The following MCC variants were observed in gnomAD, a reference collection of about 807,000 sequenced individuals.
MCC encodes the protein colorectal mutant cancer protein.
A neutral mutation model predicts 116.2 loss-of-function variants in MCC; 90 were observed. The observed-to-expected ratio is 0.77, with a 90% CI of 0.65 to 0.92. The LOEUF (loss-of-function observed/expected upper bound fraction) is 0.92. Among genes scored for constraint, MCC ranks in the 40% least tolerant of loss-of-function variants. The pLI, the probability that MCC is intolerant of heterozygous loss-of-function variation, is 0.00. For synonymous variants in MCC, 578 were observed against 510.5 expected, an observed-to-expected ratio of 1.13 and a Z score of -1.78; for missense variants, 1,516 against 1,312.2, an observed-to-expected ratio of 1.16 and a Z score of -2.40.
intron 3 of MCC, among the ~76,000 whole-genome samples, chr5:113,174,787 C>T (rs1485895801): frequency 2.0e-5 from 3 of 151,990 alleles, no homozygotes. Context: ...GAGGGTCTCC[C>T]TATGTTGTCC....
chr5:113,035,792 C>A (rs993392072), intron 17 of MCC, among the ~76,000 whole-genome samples: 3 of 152,120 alleles, frequency 2.0e-5, no homozygotes, highest in Non-Finnish European at 4.4e-5. Context: ...TTATTCATTG[C>A]AAACTAAAGT....
At chr5:113,312,490 A>G (rs1005362733) in intron 3 of MCC, among the ~76,000 whole-genome samples, 1 of 152,128 alleles carries the variant, frequency 6.6e-6, no homozygotes, top group Non-Finnish European at 1.5e-5. Context: ...CAGAAACTTC[A>G]AATACAAAGG....
At chr5:113,152,613 A>G (rs1204400022) in intron 3 of MCC, among the ~76,000 whole-genome samples, 1 of 152,178 alleles carries the variant, frequency 6.6e-6, no homozygotes, top group East Asian at 1.9e-4. Flanking sequence ...GCTTAGAAAA[A>G]TGTGCTTTTC....
chr5:113,311,862 C>A (rs776963552), intron 3 of MCC, among the ~76,000 whole-genome samples: 79 of 151,518 alleles, frequency 5.2e-4, no homozygotes, highest in Non-Finnish European at 9.1e-4. Flanking sequence ...AATCCCAGCA[C>A]TTTGGGAGGC....
rs528347717 is a variant in MCC, at chr5:113,087,737, G to A, written c.1399-2427C>T. On this transcript the variant is annotated intron_variant, in intron 8 of 18. Transcript: ENST00000408903. ...TGAATTGCACTCAAGACAATCAGTG[G>A]TCTGTTCTTAGAATCCCTACTGGCC... 1.3e-4 allele frequency among the ~76,000 whole-genome samples: 20 copies of A among 150,544 alleles called. No homozygotes were observed. In the South Asian group the frequency reaches 4.0e-3, roughly 30 times the overall value.
chr5:113,154,617 G>C (rs568931089), intron 3 of MCC, among the ~76,000 whole-genome samples: 1 of 152,212 alleles, frequency 6.6e-6, no homozygotes, highest in Non-Finnish European at 1.5e-5. Flanking sequence ...GGTTTCACCA[G>C]TCTCTGGCTT....
intron 1 of MCC, among the ~76,000 whole-genome samples, chr5:113,409,900 A>C (rs6880552): frequency 6.6e-6 from 1 of 151,978 alleles, no homozygotes; most frequent in Admixed American, 6.6e-5. Context: ...TATTTTAATA[A>C]GGAAAATAGG....
At chr5:113,170,566 A>C (rs1425164833) in intron 3 of MCC, among the ~76,000 whole-genome samples, 1 of 152,004 alleles carries the variant, frequency 6.6e-6, no homozygotes, top group Non-Finnish European at 1.5e-5. Context: ...TCCTAGGGAT[A>C]CCGGGGTCTC....
At chr5:113,295,334 C>A (rs796195224) in intron 3 of MCC, among the ~76,000 whole-genome samples, 3 of 152,250 alleles carry the variant, frequency 2.0e-5, no homozygotes, top group African/African-American at 7.2e-5. Context: ...CAGTCATTTT[C>A]CCTAATCAGT....
intron 1 of MCC, among the ~76,000 whole-genome samples, chr5:113,416,671 G>A (rs1269214763): frequency 6.6e-6 from 1 of 152,106 alleles, no homozygotes; most frequent in Non-Finnish European, 1.5e-5. Flanking sequence ...CCCTTGGACA[G>A]TTAGATGAAG....
At chr5:113,307,963 CT>C (rs67501430) in intron 3 of MCC, among the ~76,000 whole-genome samples, 21,267 of 151,620 alleles carry the variant, frequency 0.14, 2,052 homozygotes, top group Non-Finnish European at 0.2. Flanking sequence ...CTCCATTTGC[CT>C]GTCTAAATCC....
chr5:113,294,344 C>A (rs764787842), intron 3 of MCC: 1 of 1,613,768 alleles, frequency 6.2e-7, no homozygotes, highest in African/African-American at 1.3e-5. Context: ...TCAGCTCGGC[C>A]GAGGAGTCGT....
At chr5:113,457,910 G>A (rs867963185) in intron 1 of MCC, among the ~76,000 whole-genome samples, 4 of 151,746 alleles carry the variant, frequency 2.6e-5, no homozygotes, top group African/African-American at 7.3e-5. Context: ...TGCACCAATC[G>A]ACACTCTGTA....
chr5:113,247,825 G>A (rs575391522), intron 3 of MCC, among the ~76,000 whole-genome samples: 3 of 152,256 alleles, frequency 2.0e-5, no homozygotes, highest in African/African-American at 7.2e-5. Context: ...CAGAGGGAGG[G>A]ATGATAGACG....
At chr5:113,407,933 A>C (rs536235123) in intron 1 of MCC, among the ~76,000 whole-genome samples, 1 of 152,324 alleles carries the variant, frequency 6.6e-6, no homozygotes. Context: ...CTTAGCCCAG[A>C]CACTGAGTTA....
chr5:113,451,341 A>T (rs1771386955), intron 1 of MCC, among the ~76,000 whole-genome samples: 1 of 152,246 alleles, frequency 6.6e-6, no homozygotes, highest in Admixed American at 6.5e-5. Flanking sequence ...TTTTAAATTA[A>T]ATCTACAGTT....
Position 113,026,375 on chromosome 5 carries a change from C to A in MCC, c.*927G>T. 1 of 152,266 alleles carries A rather than the reference C, an allele frequency of 6.6e-6. No individual in the cohort carries two copies. Among genetic ancestry groups the A allele is most frequent in the Non-Finnish European group, 1.5e-5 (1 of 68,026 alleles). The allele number at this position is 152,266 out of a possible 1,614,324, so 9.4% of individuals were successfully genotyped here. ...GACAGGTCCAGAGCTACAAATGCAC[C>A]CATGTGGAAGAGATTTGATTCAGCA... On this transcript the variant is annotated 3_prime_UTR_variant, in exon 19 of 19. Coordinates refer to ENST00000408903, the MANE Select transcript of MCC (RefSeq NM_001085377.2).
intron 3 of MCC, among the ~76,000 whole-genome samples, chr5:113,287,267 A>C (rs937865492): frequency 4.6e-5 from 7 of 152,174 alleles, no homozygotes; most frequent in African/African-American, 1.7e-4. Flanking sequence ...ATGGCTTAAA[A>C]TATAATTTTC....
At chr5:113,040,233 A>G (rs1271046296) in intron 17 of MCC, among the ~76,000 whole-genome samples, 3 of 151,990 alleles carry the variant, frequency 2.0e-5, no homozygotes, top group Admixed American at 1.3e-4. Flanking sequence ...AGTTAGGAGA[A>G]GATACACTGA....
Sources: gnomAD v4.1 joint callset for allele counts (sites outside exome capture counted in the v4.1 genomes callset) on GRCh38, gnomAD v4.1.1 for gene constraint, MANE v1.5 for transcripts, NCBI Gene and HGNC (gene_info 2026-07-23, HGNC 2026-07-21) for gene names.